Variants in KLF12 observed in about 807,000 individuals in gnomAD.
KLF12 encodes the protein KLF transcription factor 12, also known as Krueppel-like factor 12.
KLF12 carries 9 observed loss-of-function variants against 37.8 expected under a neutral mutation model. That is an observed-to-expected ratio of 0.24 (90% confidence interval 0.14 to 0.42). The LOEUF (loss-of-function observed/expected upper bound fraction) is 0.42. Ranked by LOEUF, KLF12 falls within the 10% of genes least tolerant of loss-of-function variation. The probability of loss-of-function intolerance (pLI) is 1.00; values close to 1 mark genes in which losing one functional copy is unlikely to be tolerated. For synonymous variants in KLF12, 208 were observed against 202.1 expected, an observed-to-expected ratio of 1.03 and a Z score of -0.25; for missense variants, 411 against 516.0, an observed-to-expected ratio of 0.80 and a Z score of 1.97.
chr13:73,832,564 C>T (rs74095791), intron 4 of KLF12, among the ~76,000 whole-genome samples: 4,275 of 152,226 alleles, frequency 0.028, 142 homozygotes, highest in African/African-American at 0.081. Flanking sequence ...AAACACAGAA[C>T]ACTGGAAACA....
At chr13:74,227,166 C>T in the KLF12 span, among the ~76,000 whole-genome samples, 3 of 152,136 alleles carry the variant, frequency 2.0e-5, no homozygotes, top group South Asian at 2.1e-4. Context: ...CTCTCTTCAT[C>T]GCCTGTGACA....
At chr13:73,936,657 GA>G (rs1566470436) in intron 3 of KLF12, among the ~76,000 whole-genome samples, 58 of 152,188 alleles carry the variant, frequency 3.8e-4, no homozygotes, top group African/African-American at 8.2e-4. Flanking sequence ...GTGAGACGGC[GA>G]GGCCCTGTTT....
At chr13:73,828,807 T>G (rs9318221) in intron 4 of KLF12, among the ~76,000 whole-genome samples, 38,745 of 145,772 alleles carry the variant, frequency 0.27, 5,131 homozygotes, top group East Asian at 0.49. Context: ...TTCCGCTTCT[T>G]TTAAGTACTT....
the KLF12 span, among the ~76,000 whole-genome samples, chr13:74,263,730 C>T: frequency 6.6e-6 from 1 of 152,154 alleles, no homozygotes; most frequent in Non-Finnish European, 1.5e-5. Flanking sequence ...CAGAGCGAGA[C>T]TCCATCTCAA....
chr13:74,027,154 A>G (rs1229611796), intron 1 of KLF12, among the ~76,000 whole-genome samples: 7 of 152,232 alleles, frequency 4.6e-5, no homozygotes, highest in Admixed American at 4.6e-4. Context: ...AATACGAATC[A>G]ACTGCTTATC....
chr13:73,725,882 T>TA (rs1876629418), intron 6 of KLF12, among the ~76,000 whole-genome samples: 1 of 149,190 alleles, frequency 6.7e-6, no homozygotes, highest in Non-Finnish European at 1.5e-5. Context: ...TTTATTTATT[T>TA]TTTGAGATGG....
At chr13:74,149,023 C>T in the KLF12 span, among the ~76,000 whole-genome samples, 1 of 152,248 alleles carries the variant, frequency 6.6e-6, no homozygotes, top group South Asian at 2.1e-4. Context: ...GTATGTTGGC[C>T]AGGCTTGTCT....
chr13:73,820,332 A>C (rs115147493), intron 4 of KLF12, among the ~76,000 whole-genome samples: 25 of 152,296 alleles, frequency 1.6e-4, no homozygotes, highest in African/African-American at 6.0e-4. Flanking sequence ...CGTCCTTCCT[A>C]ATATATTTGT....
At chr13:74,044,218 C>T (rs565898225) in intron 1 of KLF12, among the ~76,000 whole-genome samples, 5 of 152,300 alleles carry the variant, frequency 3.3e-5, no homozygotes, top group African/African-American at 1.2e-4. Context: ...AACCGCCCCA[C>T]CCTCTTCCTT....
chr13:74,224,412 GA>G, the KLF12 span, among the ~76,000 whole-genome samples: 123 of 152,100 alleles, frequency 8.1e-4, 1 homozygote, highest in Admixed American at 4.5e-3. Flanking sequence ...TTTCTATATG[GA>G]AAAAATTTAA....
chr13:73,733,557 C>T (rs11842975), intron 6 of KLF12, among the ~76,000 whole-genome samples: 2,180 of 152,254 alleles, frequency 0.014, 59 homozygotes, highest in African/African-American at 0.05. Context: ...CACACACACA[C>T]TTTATCCTTA....
chr13:74,125,433 T>C (rs115838502), intron 1 of KLF12, among the ~76,000 whole-genome samples: 1,793 of 152,236 alleles, frequency 0.012, 36 homozygotes, highest in African/African-American at 0.041. Context: ...CTAACGATAC[T>C]GGATATTGTG....
intron 3 of KLF12, among the ~76,000 whole-genome samples, chr13:73,905,163 GTATTC>G (rs1245154903): frequency 1.3e-5 from 2 of 151,972 alleles, no homozygotes; most frequent in Admixed American, 6.6e-5. Flanking sequence ...GATTTTAGAG[GTATTC>G]TATTCAAGAT....
At chr13:74,302,304 A>G in the KLF12 span, among the ~76,000 whole-genome samples, 1 of 152,176 alleles carries the variant, frequency 6.6e-6, no homozygotes, top group Non-Finnish European at 1.5e-5. Context: ...TATTAAAGTG[A>G]TGGAGATGAT....
At chr13:73,731,546 A>AAAAAAG (rs1877061301) in intron 6 of KLF12, among the ~76,000 whole-genome samples, 1 of 151,568 alleles carries the variant, frequency 6.6e-6, no homozygotes, top group Non-Finnish European at 1.5e-5. Context: ...CAAAAAAAAA[A>AAAAAAG]AAAAAAAGCA....
chr13:74,247,623 T>A, the KLF12 span, among the ~76,000 whole-genome samples: 1 of 152,154 alleles, frequency 6.6e-6, no homozygotes, highest in South Asian at 2.1e-4. Flanking sequence ...AGTTATCTTT[T>A]TTTAGTTATT....
At chr13:73,961,415 A>G (rs1891017533) in intron 2 of KLF12, among the ~76,000 whole-genome samples, 1 of 152,196 alleles carries the variant, frequency 6.6e-6, no homozygotes, top group African/African-American at 2.4e-5. Context: ...CTGTTAGAGA[A>G]GTCACAGGCA....
At chr13:74,165,090 G>A in the KLF12 span, among the ~76,000 whole-genome samples, 1 of 152,032 alleles carries the variant, frequency 6.6e-6, no homozygotes. Context: ...AAATGCCTGA[G>A]GTGATGGATA....
At chr13:73,745,629 G>C (rs541517304) in intron 6 of KLF12, among the ~76,000 whole-genome samples, 153 of 152,202 alleles carry the variant, frequency 1.0e-3, no homozygotes, top group African/African-American at 3.4e-3. Flanking sequence ...AAAAGAAAAA[G>C]AAAATGCTCC....
Sources: allele counts gnomAD v4.1 joint callset (sites outside exome capture counted in the v4.1 genomes callset), GRCh38; gene constraint gnomAD v4.1.1; transcripts MANE v1.5; gene names NCBI Gene and HGNC (gene_info 2026-07-23, HGNC 2026-07-21).